The following CNTN5 variants were observed in gnomAD, a reference collection of about 807,000 sequenced individuals.
CNTN5 encodes the protein contactin-5.
A neutral mutation model predicts 129.1 loss-of-function variants in CNTN5; 77 were observed. That is an observed-to-expected ratio of 0.60 (90% CI 0.50 to 0.72). The LOEUF is 0.72. CNTN5 is among the 30% of genes least tolerant of loss of function. The pLI is 0.00. For synonymous variants in CNTN5, 509 were observed against 465.6 expected (o/e 1.09, Z -1.20); for missense variants, 1,478 against 1,328.8 (o/e 1.11, Z -1.75).
chr11:99,772,991 A>C (rs1944996600), intron 3 of CNTN5, among the ~76,000 whole-genome samples: 1 of 152,106 alleles, frequency 6.6e-6, no homozygotes, highest in South Asian at 2.1e-4. Context: ...TATAATATAC[A>C]CATAATGTAT....
chr11:100,030,539 C>T (rs1941654783), intron 9 of CNTN5, among the ~76,000 whole-genome samples: 2 of 152,262 alleles, frequency 1.3e-5, no homozygotes, highest in South Asian at 2.1e-4. Context: ...CATTGTGAAC[C>T]AATGTCACAA....
At chr11:99,924,467 GT>G (rs1950015309) in intron 7 of CNTN5, among the ~76,000 whole-genome samples, 1 of 152,112 alleles carries the variant, frequency 6.6e-6, no homozygotes, top group African/African-American at 2.4e-5. Context: ...TGGTTAGCCA[GT>G]TTTCCCAGAA....
intron 9 of CNTN5, among the ~76,000 whole-genome samples, chr11:100,027,828 T>G (rs1254156300): frequency 6.6e-6 from 1 of 152,240 alleles, no homozygotes; most frequent in African/African-American, 2.4e-5. Flanking sequence ...CATGTTAATT[T>G]AACATACTTC....
intron 1 of CNTN5, among the ~76,000 whole-genome samples, chr11:99,219,434 C>A (rs927698163): frequency 6.6e-6 from 1 of 151,630 alleles, no homozygotes; most frequent in Non-Finnish European, 1.5e-5. Flanking sequence ...AGTAATTTTG[C>A]CTATGAATCT....
At chr11:99,181,929 G>T (rs1353962237) in intron 1 of CNTN5, among the ~76,000 whole-genome samples, 1 of 152,164 alleles carries the variant, frequency 6.6e-6, no homozygotes, top group African/African-American at 2.4e-5. Flanking sequence ...TATAGCAAAA[G>T]AATCTGGAGT....
chr11:100,004,593 C>T (rs1940077849), intron 9 of CNTN5, among the ~76,000 whole-genome samples: 1 of 152,178 alleles, frequency 6.6e-6, no homozygotes, highest in African/African-American at 2.4e-5. Flanking sequence ...GGATCCAACT[C>T]AGACATTTCA....
intron 1 of CNTN5, among the ~76,000 whole-genome samples, chr11:99,118,937 TTAGATAATATTTTAATTATGG>T (rs1298015703): frequency 1.3e-5 from 2 of 152,044 alleles, no homozygotes; most frequent in East Asian, 3.9e-4. Context: ...TATAATTATG[TTAGATAATATTTTAATTATGG>T]TAGATAATAT....
chr11:99,307,072 A>G (rs936079419), intron 1 of CNTN5, among the ~76,000 whole-genome samples: 1 of 152,142 alleles, frequency 6.6e-6, no homozygotes, highest in Non-Finnish European at 1.5e-5. Flanking sequence ...TTTGATCCCT[A>G]ATGAAATATG....
chr11:99,771,968 A>C (rs1944961362), intron 3 of CNTN5, among the ~76,000 whole-genome samples: 1 of 151,920 alleles, frequency 6.6e-6, no homozygotes, highest in Admixed American at 6.6e-5. Context: ...GAGAAAAAAA[A>C]ACCTGAAAAA....
At chr11:100,128,652 T>G (rs1229957347) in intron 13 of CNTN5, among the ~76,000 whole-genome samples, 1 of 152,074 alleles carries the variant, frequency 6.6e-6, no homozygotes, top group Non-Finnish European at 1.5e-5. Flanking sequence ...GATACAACAT[T>G]CTTGGCTCAG....
At chr11:99,775,611 T>G (rs976109558) in intron 3 of CNTN5, among the ~76,000 whole-genome samples, 1 of 152,060 alleles carries the variant, frequency 6.6e-6, no homozygotes, top group African/African-American at 2.4e-5. Context: ...TTTAAGGCAC[T>G]CATATTTTAA....
At chr11:99,547,267 G>C (rs1948330303) in intron 2 of CNTN5, among the ~76,000 whole-genome samples, 1 of 152,114 alleles carries the variant, frequency 6.6e-6, no homozygotes, top group Non-Finnish European at 1.5e-5. Context: ...GGCCTCCCAA[G>C]TGCTGGGATT....
At chr11:100,128,086 A>C (rs1340094101) in intron 13 of CNTN5, among the ~76,000 whole-genome samples, 1 of 152,102 alleles carries the variant, frequency 6.6e-6, no homozygotes, top group Non-Finnish European at 1.5e-5. Flanking sequence ...ATTATTCAAA[A>C]TTTATATCTT....
intron 21 of CNTN5, among the ~76,000 whole-genome samples, chr11:100,333,483 A>G (rs1274225507): frequency 6.6e-6 from 1 of 151,866 alleles, no homozygotes; most frequent in Non-Finnish European, 1.5e-5. Context: ...CCAAAGCAAG[A>G]CTAAGCAACA....
intron 21 of CNTN5, among the ~76,000 whole-genome samples, chr11:100,320,637 C>A: frequency 6.6e-6 from 1 of 151,982 alleles, no homozygotes; most frequent in East Asian, 1.9e-4. Context: ...TTGCCCAGAC[C>A]AAGGTCATAG....
In CNTN5 at chr11:99,023,280, CA is replaced by C. The variant is rs1270238737; in HGVS notation, c.-210+2012del. Among the ~76,000 whole-genome samples, 4 of 152,076 alleles carry C rather than the reference CA, an allele frequency of 2.6e-5. No homozygotes were observed. In the East Asian group the frequency reaches 7.7e-4, roughly 29 times the overall value. On this transcript the variant is annotated intron_variant, in intron 1 of 24. Transcript: ENST00000524871. ...AAAATTTACTTCAATCTTATGTGTC[CA>C]ATTAAGTAGCGCTATCTGTTAGAAA...
intron 16 of CNTN5, 107 bp downstream of exon 16, chr11:100,224,919 T>G: frequency 9.3e-7 from 1 of 1,072,920 alleles, no homozygotes; most frequent in Non-Finnish European, 1.3e-6. Flanking sequence ...CATTTTACTT[T>G]CAATTTTACA....
intron 16 of CNTN5, among the ~76,000 whole-genome samples, chr11:100,241,781 G>C (rs761661646): frequency 1.1e-4 from 16 of 152,180 alleles, no homozygotes; most frequent in Non-Finnish European, 2.2e-4. Context: ...GACCGCAAGA[G>C]ACCAGCATGC....
intron 3 of CNTN5, among the ~76,000 whole-genome samples, chr11:99,599,456 C>G (rs1044732477): frequency 1.3e-5 from 2 of 152,012 alleles, no homozygotes; most frequent in Non-Finnish European, 2.9e-5. Context: ...AATCAAACAT[C>G]CTTTAAGATG....
Sources: gnomAD v4.1 joint callset for allele counts (sites outside exome capture counted in the v4.1 genomes callset) on GRCh38, gnomAD v4.1.1 for gene constraint, MANE v1.5 for transcripts, NCBI Gene and HGNC (gene_info 2026-07-23, HGNC 2026-07-21) for gene names.